LHFPL3: variants seen among roughly 807,000 people sequenced by gnomAD.
The protein encoded by LHFPL3 is LHFPL tetraspan subfamily member 3, also known as LHFPL tetraspan subfamily member 3 protein.
A neutral mutation model predicts 19.3 loss-of-function variants in LHFPL3; 5 were observed. That is an observed-to-expected ratio of 0.26 (90% CI 0.14 to 0.54). The LOEUF (loss-of-function observed/expected upper bound fraction) is 0.54. LHFPL3 is among the 20% of genes least tolerant of loss of function. The pLI is 0.94. For missense variants in LHFPL3, 249 were observed against 307.4 expected (o/e 0.81, Z 1.42); for synonymous variants, 133 against 126.2 (o/e 1.05, Z -0.36).
Position 104,551,136 on chromosome 7 carries a change from C to G in LHFPL3, c.446-185539C>G, listed in dbSNP as rs577612857. ...TTGTGTACACACACACACACACACACACACTTCATGTTTGCGAGCATTTTA... is the reference window on the plus strand; with the variant it reads ...TTGTGTACACACACACACACACACAGACACTTCATGTTTGCGAGCATTTTA... On this transcript the variant is annotated intron_variant, in intron 1 of 2. Coordinates refer to ENST00000424859, the MANE Select transcript of LHFPL3 (RefSeq NM_199000.3). 6.7e-3 allele frequency among the ~76,000 whole-genome samples: 1,003 copies of G among 149,586 alleles called. 10 individuals carry two copies. Among genetic ancestry groups the G allele is most frequent in the African/African-American group, 0.024 (974 of 39,798 alleles).
chr7:104,906,288 A>G lies in LHFPL3; in HGVS notation c.*73A>G, dbSNP rs1264597722. ...ACGAATCGAATAACAGCTTTTGTAC[A>G]TCAACATCAAGAAGGAATACGCCTG... On this transcript the variant is annotated 3_prime_UTR_variant, in exon 3 of 3. Coordinates refer to ENST00000424859, the MANE Select transcript of LHFPL3 (RefSeq NM_199000.3). 5 of 1,498,176 alleles carry G rather than the reference A, an allele frequency of 3.3e-6. No homozygotes were observed. Among genetic ancestry groups the G allele is most frequent in the South Asian group, 1.2e-5 (1 of 83,800 alleles). The allele number at this position is 1,498,176 out of a possible 1,614,324, so 92.8% of individuals were successfully genotyped here. A position where few individuals can be genotyped will look rare whatever the true frequency, so the allele number is the denominator to read the frequency against.
At chr7:104,650,744 A>G (rs1792016791) in intron 1 of LHFPL3, among the ~76,000 whole-genome samples, 1 of 152,222 alleles carries the variant, frequency 6.6e-6, no homozygotes, top group African/African-American at 2.4e-5. Flanking sequence ...TACACAGTAC[A>G]TGAAGAATGC....
chr7:104,640,734 G>A (rs1269801902), intron 1 of LHFPL3, among the ~76,000 whole-genome samples: 1 of 152,132 alleles, frequency 6.6e-6, no homozygotes, highest in Non-Finnish European at 1.5e-5. Flanking sequence ...TGCAAGAAAT[G>A]TGCATTTTTA....
At position 104,571,462 on chromosome 7, in the gene LHFPL3, C is replaced by T. The variant is rs144011027; in HGVS notation, c.446-165213C>T. On this transcript the variant is annotated intron_variant, in intron 1 of 2. Transcript: ENST00000424859. ...CTGTTTAGAAGGAGCCTTAACACCC[C>T]TCCTTTCGCCAGCTTTTCTTCCTCA... is the stretch of plus-strand genomic sequence containing the variant. Among the ~76,000 whole-genome samples, 165 of 152,258 alleles carry T rather than the reference C, an allele frequency of 1.1e-3. 2 individuals carry two copies. The highest frequency in any genetic ancestry group is 3.4e-3 in the Middle Eastern group (1 of 294).
intron 1 of LHFPL3, among the ~76,000 whole-genome samples, chr7:104,628,437 G>T (rs1791584294): frequency 6.6e-6 from 1 of 152,076 alleles, no homozygotes; most frequent in African/African-American, 2.4e-5. Context: ...AACTCGCCAA[G>T]CAACAGAAGT....
intron 1 of LHFPL3, among the ~76,000 whole-genome samples, chr7:104,369,310 T>C (rs1056938850): frequency 1.3e-5 from 2 of 152,230 alleles, no homozygotes; most frequent in Non-Finnish European, 2.9e-5. Context: ...TTTATATAAA[T>C]GGAATCCTAC....
rs569062718 is a variant in LHFPL3 at position 104,512,870 on chromosome 7, T to G, written c.445+183646T>G. ...AGTTATATCTTGGAGGATGAGCAGT[T>G]ATTCTCTTTTAAATTGGCGATGAGG... On this transcript the variant is annotated intron_variant, in intron 1 of 2. Transcript: ENST00000424859. Among the ~76,000 whole-genome samples the G allele has an allele frequency of 3.9e-5, 6 of 152,284 alleles. No individual in the cohort carries two copies. In the East Asian group the frequency reaches 1.2e-3, roughly 29 times the overall value.
At chr7:104,560,231 A>C in intron 1 of LHFPL3, among the ~76,000 whole-genome samples, 4 of 120,910 alleles carry the variant, frequency 3.3e-5, no homozygotes, top group South Asian at 2.9e-4. Context: ...TTTTCTATTG[A>C]TTGGAATAGT....
chr7:104,906,148 C>T (rs1295384348), intron 2 of LHFPL3, 39 bp from the exon 3 acceptor site: 1 of 1,597,132 alleles, frequency 6.3e-7, no homozygotes, highest in African/African-American at 1.3e-5. Context: ...TTTTCTCTCC[C>T]CCCACCCTTT....
chr7:104,548,623 G>A (rs181425868), intron 1 of LHFPL3, among the ~76,000 whole-genome samples: 177 of 152,206 alleles, frequency 1.2e-3, no homozygotes, highest in Non-Finnish European at 2.0e-3. Flanking sequence ...AGAAAAATAC[G>A]TTCTCTAAAT....
intron 1 of LHFPL3, among the ~76,000 whole-genome samples, chr7:104,627,141 C>T (rs1041475580): frequency 1.3e-5 from 2 of 152,196 alleles, no homozygotes; most frequent in Non-Finnish European, 2.9e-5. Flanking sequence ...TTCCCACCCC[C>T]GGGCCCTGGT....
At chr7:104,404,805 ATTT>A (rs1275294001) in intron 1 of LHFPL3, among the ~76,000 whole-genome samples, 92 of 152,254 alleles carry the variant, frequency 6.0e-4, no homozygotes, top group African/African-American at 2.0e-3. Flanking sequence ...TTATTGAACC[ATTT>A]TGTACTTTGA....
chr7:104,598,675 A>G (rs1415629692), intron 1 of LHFPL3, among the ~76,000 whole-genome samples: 1 of 152,252 alleles, frequency 6.6e-6, no homozygotes, highest in Non-Finnish European at 1.5e-5. Context: ...AAGCTTCATC[A>G]TAGAGTCCTT....
At chr7:104,674,059 C>T (rs1310882372) in intron 1 of LHFPL3, among the ~76,000 whole-genome samples, 4 of 150,902 alleles carry the variant, frequency 2.7e-5, no homozygotes, top group Non-Finnish European at 4.4e-5. Context: ...GAGAGGCAGG[C>T]AAGCCCCAGT....
intron 1 of LHFPL3, among the ~76,000 whole-genome samples, chr7:104,574,726 A>C (rs188599151): frequency 6.6e-6 from 1 of 152,302 alleles, no homozygotes; most frequent in African/African-American, 2.4e-5. Context: ...ATCTTTTATA[A>C]ATTGTATTTT....
chr7:104,783,831 A>G (rs762896167), intron 2 of LHFPL3, among the ~76,000 whole-genome samples: 1 of 152,220 alleles, frequency 6.6e-6, no homozygotes, highest in Non-Finnish European at 1.5e-5. Flanking sequence ...TGGAGTTTCT[A>G]AAATGCCACT....
intron 2 of LHFPL3, chr7:104,743,944 T>C (rs1196996905): frequency 6.6e-6 from 1 of 152,018 alleles, no homozygotes; most frequent in Non-Finnish European, 1.5e-5. Flanking sequence ...GGGTCAGGTA[T>C]TCCTCCCACA....
intron 2 of LHFPL3, among the ~76,000 whole-genome samples, chr7:104,893,856 G>A (rs527468050): frequency 5.9e-5 from 9 of 152,004 alleles, no homozygotes; most frequent in South Asian, 2.1e-4. Context: ...GGAGGCTGAC[G>A]TGGGAGAATT....
chr7:104,383,423 TC>T (rs774584208), intron 1 of LHFPL3, among the ~76,000 whole-genome samples: 6 of 152,336 alleles, frequency 3.9e-5, no homozygotes, highest in Non-Finnish European at 5.9e-5. Context: ...AGTAATTGGT[TC>T]CTGCCAGCGT....
Sources: gnomAD v4.1 joint callset for allele counts (sites outside exome capture counted in the v4.1 genomes callset) on GRCh38, gnomAD v4.1.1 for gene constraint, MANE v1.5 for transcripts, NCBI Gene and HGNC (gene_info 2026-07-23, HGNC 2026-07-21) for gene names.